The following PTPRK variants were observed in gnomAD, a reference collection of about 807,000 sequenced individuals.
PTPRK encodes receptor-type tyrosine-protein phosphatase kappa.
Under a neutral mutation model 178.0 loss-of-function variants are expected in PTPRK, and 75 were observed. That is an observed-to-expected ratio of 0.42 (90% CI 0.35 to 0.51). The LOEUF is 0.51. PTPRK is among the 20% of genes least tolerant of loss of function. The probability of loss-of-function intolerance (pLI) is 0.02; values close to 1 mark genes in which losing one functional copy is unlikely to be tolerated. For synonymous variants in PTPRK, 637 were observed against 620.6 expected (o/e 1.03, Z -0.39); for missense variants, 1,441 against 1,797.8 (o/e 0.80, Z 3.59).
chr6:128,204,464 C>G (rs1357203706), intron 6 of PTPRK, among the ~76,000 whole-genome samples: 3 of 152,094 alleles, frequency 2.0e-5, no homozygotes, highest in Admixed American at 2.0e-4. Context: ...AAGAAATTAA[C>G]ATCAGAGTGA....
chr6:128,159,958 C>A (rs1472901720), intron 7 of PTPRK, among the ~76,000 whole-genome samples: 1 of 151,636 alleles, frequency 6.6e-6, no homozygotes, highest in African/African-American at 2.4e-5. Flanking sequence ...TACTTACATC[C>A]TGAGGTTTCT....
intron 1 of PTPRK, 118 bp from the exon 2 acceptor site, chr6:128,397,806 A>G (rs779574991): frequency 3.2e-6 from 3 of 939,182 alleles, no homozygotes; most frequent in Non-Finnish European, 4.7e-6. Context: ...TTAATAATAA[A>G]TGGTACTCCT....
intron 7 of PTPRK, among the ~76,000 whole-genome samples, chr6:128,099,998 A>G (rs1003374817): frequency 4.6e-5 from 7 of 152,052 alleles, no homozygotes; most frequent in African/African-American, 1.7e-4. Flanking sequence ...TAGTGTGATT[A>G]TAAGGTGTGA....
chr6:128,105,143 T>G (rs977410160), intron 7 of PTPRK, among the ~76,000 whole-genome samples: 3 of 151,650 alleles, frequency 2.0e-5, no homozygotes, highest in Non-Finnish European at 2.9e-5. Flanking sequence ...TTTTTTTTTT[T>G]TTTCTTTTGA....
intron 13 of PTPRK, chr6:128,062,523 G>A (rs1448850846): frequency 6.0e-6 from 1 of 166,932 alleles, no homozygotes; most frequent in African/African-American, 2.4e-5. Flanking sequence ...TAGCAATCTC[G>A]ATCACGAAAA....
At chr6:128,217,117 C>A in intron 6 of PTPRK, among the ~76,000 whole-genome samples, 1 of 152,134 alleles carries the variant, frequency 6.6e-6, no homozygotes, top group Non-Finnish European at 1.5e-5. Flanking sequence ...CCCAAGGACA[C>A]CTTCAGGCTT....
At chr6:128,400,894 A>G (rs2128371444) in intron 1 of PTPRK, among the ~76,000 whole-genome samples, 1 of 152,340 alleles carries the variant, frequency 6.6e-6, no homozygotes, top group Admixed American at 6.5e-5. Flanking sequence ...ATGGCAGAAC[A>G]GAAAGAGGTA....
chr6:128,192,532 C>T (rs1257121966), intron 6 of PTPRK, among the ~76,000 whole-genome samples: 3 of 152,012 alleles, frequency 2.0e-5, no homozygotes, highest in East Asian at 3.9e-4. Flanking sequence ...GTAAGAAAAA[C>T]TTATCAGCTG....
intron 1 of PTPRK, among the ~76,000 whole-genome samples, chr6:128,448,076 C>G (rs886369243): frequency 1.3e-5 from 2 of 152,138 alleles, no homozygotes; most frequent in African/African-American, 4.8e-5. Flanking sequence ...GTTCACATGG[C>G]CAGCCACCAG....
At chr6:128,167,603 T>A (rs146524079) in intron 7 of PTPRK, among the ~76,000 whole-genome samples, 277 of 152,078 alleles carry the variant, frequency 1.8e-3, no homozygotes, top group Non-Finnish European at 2.9e-3. Context: ...TTTAGCAAAA[T>A]TTCCTATAAA....
chr6:128,294,330 GT>G (rs954926692), intron 3 of PTPRK, among the ~76,000 whole-genome samples: 4 of 152,024 alleles, frequency 2.6e-5, no homozygotes, highest in African/African-American at 9.6e-5. Flanking sequence ...TTCAAACACA[GT>G]TTTTTTCTCC....
intron 3 of PTPRK, among the ~76,000 whole-genome samples, chr6:128,257,870 T>C (rs1175931533): frequency 6.6e-6 from 1 of 152,164 alleles, no homozygotes; most frequent in Non-Finnish European, 1.5e-5. Flanking sequence ...ATTTTCTCTA[T>C]ACTGCGTGTC....
intron 5 of PTPRK, among the ~76,000 whole-genome samples, chr6:128,220,471 C>T (rs1043617627): frequency 6.6e-6 from 1 of 152,124 alleles, no homozygotes; most frequent in African/African-American, 2.4e-5. Context: ...TTCTAACTAC[C>T]CCTGGTATCT....
intron 3 of PTPRK, among the ~76,000 whole-genome samples, chr6:128,300,351 A>G (rs2128311655): frequency 6.6e-6 from 1 of 152,188 alleles, no homozygotes; most frequent in South Asian, 2.1e-4. Flanking sequence ...ATACCATTTG[A>G]CCCAGCCATC....
intron 13 of PTPRK, among the ~76,000 whole-genome samples, chr6:128,030,706 A>G (rs1775170841): frequency 6.6e-6 from 1 of 152,218 alleles, no homozygotes; most frequent in Non-Finnish European, 1.5e-5. Flanking sequence ...TTATTCTTTT[A>G]AAAACAGTTG....
intron 11 of PTPRK, among the ~76,000 whole-genome samples, chr6:128,077,119 T>C (rs959410256): frequency 2.6e-5 from 4 of 152,052 alleles, no homozygotes; most frequent in African/African-American, 4.8e-5. Flanking sequence ...TAAATGCAAG[T>C]AGCTGGTAGC....
intron 2 of PTPRK, among the ~76,000 whole-genome samples, chr6:128,383,282 G>A (rs1838209593): frequency 6.6e-6 from 1 of 151,890 alleles, no homozygotes; most frequent in Admixed American, 6.6e-5. Flanking sequence ...CAATACTGGG[G>A]CAAAGATCTA....
At chr6:128,309,473 G>T (rs984932590) in intron 3 of PTPRK, among the ~76,000 whole-genome samples, 26 of 152,004 alleles carry the variant, frequency 1.7e-4, no homozygotes, top group Non-Finnish European at 2.5e-4. Flanking sequence ...CAGGAGTCCT[G>T]GTCTGCAACC....
chr6:128,435,066 A>C lies in PTPRK; in HGVS notation c.101-37378T>G, dbSNP rs1296917711. Among the ~76,000 whole-genome samples, 189 of 77,308 alleles carry C rather than the reference A, an allele frequency of 2.4e-3. 4 individuals carry two copies. The East Asian group carries it at 0.043, about 17-fold the overall frequency. 50.7% of individuals were successfully genotyped at this position (77,308 alleles called of 152,430 possible). A position where few individuals can be genotyped will look rare whatever the true frequency, so the allele number is the denominator to read the frequency against. On this transcript the variant is annotated intron_variant, in intron 1 of 29. Transcript: ENST00000368226. ...GAAGGCAGGAAGGAAGGAAGGAAGG[A>C]AGGAAGGAAGGAAGGAAGGAAGGAA... is the stretch of plus-strand genomic sequence containing the variant.
Sources: allele counts gnomAD v4.1 joint callset (sites outside exome capture counted in the v4.1 genomes callset), GRCh38; gene constraint gnomAD v4.1.1; transcripts MANE v1.5; gene names NCBI Gene and HGNC (gene_info 2026-07-23, HGNC 2026-07-21).